WWOX: variants seen among roughly 807,000 people sequenced by gnomAD.
The protein encoded by WWOX is WW domain containing oxidoreductase.
Under a neutral mutation model 46.2 loss-of-function variants are expected in WWOX, and 69 were observed. The observed-to-expected ratio is 1.49, with a 90% CI of 1.23 to 1.82. The LOEUF (loss-of-function observed/expected upper bound fraction) is 1.82. Among genes scored for constraint, WWOX ranks in the 40% most tolerant of loss-of-function variants. The pLI is 0.00. For synonymous variants in WWOX, 359 were observed against 202.6 expected (o/e 1.77, Z -6.56); for missense variants, 919 against 542.6 (o/e 1.69, Z -6.89).
At chr16:79,120,988 C>T (rs575325400) in intron 8 of WWOX, among the ~76,000 whole-genome samples, 7 of 152,288 alleles carry the variant, frequency 4.6e-5, no homozygotes, top group African/African-American at 1.4e-4. Context: ...AGGCTGGTTT[C>T]GAACTCGTGA....
At chr16:79,007,416 C>T (rs1440715318) in intron 8 of WWOX, among the ~76,000 whole-genome samples, 2 of 152,170 alleles carry the variant, frequency 1.3e-5, no homozygotes, top group African/African-American at 2.4e-5. Flanking sequence ...TCAGAGAAAT[C>T]ACTCAGGCTG....
At chr16:78,167,181 A>G (rs2035002014) in intron 5 of WWOX, 1 of 152,136 alleles carries the variant, frequency 6.6e-6, no homozygotes, top group Non-Finnish European at 1.5e-5. Flanking sequence ...ATTCATCTGC[A>G]TTTATCCTAT....
At chr16:78,303,547 G>T (rs935873921) in intron 5 of WWOX, among the ~76,000 whole-genome samples, 1 of 151,958 alleles carries the variant, frequency 6.6e-6, no homozygotes, top group Admixed American at 6.6e-5. Context: ...TTGTTGGTTG[G>T]TTTTTTGTTT....
intron 8 of WWOX, among the ~76,000 whole-genome samples, chr16:78,638,591 G>A (rs150129746): frequency 6.0e-4 from 91 of 152,302 alleles, no homozygotes; most frequent in African/African-American, 2.1e-3. Flanking sequence ...GTGGATAGCA[G>A]TGCCACTTGA....
At chr16:79,050,472 C>G (rs544373435) in intron 8 of WWOX, among the ~76,000 whole-genome samples, 27 of 152,298 alleles carry the variant, frequency 1.8e-4, no homozygotes, top group African/African-American at 6.5e-4. Flanking sequence ...CCAGAACTGG[C>G]ATACCCATTC....
chr16:78,411,214 A>T (rs2082673124), intron 6 of WWOX, among the ~76,000 whole-genome samples: 1 of 152,186 alleles, frequency 6.6e-6, no homozygotes, highest in Admixed American at 6.5e-5. Flanking sequence ...AGCAGGGAGC[A>T]TTGGGAGTCA....
rs12934985 is a variant in WWOX, at chr16:78,115,170, A to C, written c.409+16A>C. The stretch of plus-strand genomic sequence containing the variant: ...TCAGGAATAGGTAGGCTCTTCACTT[A>C]GTTATTTATCTTTGGGACTGCTATA... On this transcript the variant is annotated intron_variant, in intron 4 of 8. Transcript: ENST00000566780. 0.28 allele frequency: 452,545 copies of C among 1,613,652 alleles called. 66,698 individuals are homozygous for C. The highest frequency in any genetic ancestry group is 0.3 in the Non-Finnish European group (355,912 of 1,179,614).
chr16:78,172,473 C>T (rs1021592430), intron 5 of WWOX, among the ~76,000 whole-genome samples: 1 of 152,130 alleles, frequency 6.6e-6, no homozygotes, highest in South Asian at 2.1e-4. Context: ...ATACCTAAAA[C>T]TTGTGCTTGG....
intron 7 of WWOX, among the ~76,000 whole-genome samples, chr16:78,425,808 G>A (rs994167864): frequency 6.6e-6 from 1 of 152,038 alleles, no homozygotes; most frequent in African/African-American, 2.4e-5. Context: ...TGTGTTTGGC[G>A]GGGGGAACTT....
intron 8 of WWOX, among the ~76,000 whole-genome samples, chr16:78,516,891 A>C (rs370323922): frequency 1.1e-3 from 163 of 152,302 alleles, no homozygotes; most frequent in Non-Finnish European, 1.6e-3. Context: ...CTGTAAGAAA[A>C]AGATCAAGAT....
At chr16:78,788,630 C>T (rs1265434320) in intron 8 of WWOX, among the ~76,000 whole-genome samples, 1 of 152,226 alleles carries the variant, frequency 6.6e-6, no homozygotes, top group Admixed American at 6.5e-5. Flanking sequence ...TGTGTCTTTT[C>T]ATCTCTGTCC....
chr16:79,146,146 A>G (rs983405568), intron 8 of WWOX, among the ~76,000 whole-genome samples: 2 of 152,230 alleles, frequency 1.3e-5, no homozygotes, highest in Non-Finnish European at 2.9e-5. Context: ...AAGGAAGTGT[A>G]TGATATGAAG....
chr16:78,541,750 C>T (rs2043902064), intron 8 of WWOX, among the ~76,000 whole-genome samples: 1 of 151,948 alleles, frequency 6.6e-6, no homozygotes, highest in African/African-American at 2.4e-5. Context: ...TAATACCCAC[C>T]TCCCAGGGTT....
intron 8 of WWOX, among the ~76,000 whole-genome samples, chr16:78,994,966 CTTCTTT>C (rs1380325457): frequency 7.2e-4 from 57 of 79,644 alleles, no homozygotes; most frequent in African/African-American, 2.5e-3. Flanking sequence ...TCTTCTTCTT[CTTCTTT>C]TTTTTTTTTT....
chr16:78,733,612 G>T (rs577334319), intron 8 of WWOX, among the ~76,000 whole-genome samples: 1 of 151,552 alleles, frequency 6.6e-6, no homozygotes, highest in Non-Finnish European at 1.5e-5. Context: ...AAAATTAGCC[G>T]GGTATGGTGG....
rs78568385 is a variant in WWOX at position 78,546,459 on chromosome 16, G to C, written c.1056+113707G>C. Among the ~76,000 whole-genome samples, 436 of 152,316 alleles carry C rather than the reference G, an allele frequency of 2.9e-3. 3 individuals carry two copies. Among genetic ancestry groups the C allele is most frequent in the Admixed American group, 0.023 (357 of 15,290 alleles). ...ATTGTTCAAAAGAATACTGGACCCA[G>C]AGTTTCATCACTTTGTTAATTACAT... is the stretch of plus-strand genomic sequence containing the variant. On this transcript the variant is annotated intron_variant, in intron 8 of 8. Coordinates refer to ENST00000566780, the MANE Select transcript of WWOX (RefSeq NM_016373.4).
chr16:78,329,338 A>G (rs1443981243), intron 5 of WWOX, among the ~76,000 whole-genome samples: 6 of 152,202 alleles, frequency 3.9e-5, no homozygotes, highest in Non-Finnish European at 8.8e-5. Context: ...TGATAGAAAT[A>G]TGAAATGATG....
At chr16:78,257,429 C>T (rs1192752078) in intron 5 of WWOX, among the ~76,000 whole-genome samples, 1 of 152,146 alleles carries the variant, frequency 6.6e-6, no homozygotes, top group African/African-American at 2.4e-5. Context: ...TCCCGTGAGG[C>T]GGTGCAGGCT....
At chr16:78,513,259 A>G (rs778359947) in intron 8 of WWOX, among the ~76,000 whole-genome samples, 1 of 152,236 alleles carries the variant, frequency 6.6e-6, no homozygotes, top group Non-Finnish European at 1.5e-5. Context: ...TATCTCTTCT[A>G]TGTAAGTAGG....
Sources: allele counts gnomAD v4.1 joint callset (sites outside exome capture counted in the v4.1 genomes callset), GRCh38; gene constraint gnomAD v4.1.1; transcripts MANE v1.5; gene names NCBI Gene and HGNC (gene_info 2026-07-23, HGNC 2026-07-21).